Variants in WDR41 observed in about 807,000 individuals in gnomAD.
WDR41 encodes WD repeat domain 41.
A neutral mutation model predicts 69.3 loss-of-function variants in WDR41; 63 were observed. The observed-to-expected ratio is 0.91, with a 90% CI of 0.74 to 1.12. WDR41 has a LOEUF of 1.12. Ranked by LOEUF, WDR41 falls within the 50% of genes most tolerant of loss-of-function variation. The pLI is 0.00. For synonymous variants in WDR41, 185 were observed against 192.1 expected (o/e 0.96, Z 0.31); for missense variants, 543 against 534.5 (o/e 1.02, Z -0.16).
intron 2 of WDR41, among the ~76,000 whole-genome samples, chr5:77,471,056 C>T (rs1175080034): frequency 2.6e-5 from 4 of 152,120 alleles, no homozygotes; most frequent in Non-Finnish European, 4.4e-5. Context: ...TGTAAAAGAA[C>T]AGAAATTATA....
chr5:77,459,217 G>T, intron 4 of WDR41, 93 bp from the exon 5 acceptor site: 2 of 904,764 alleles, frequency 2.2e-6, no homozygotes, highest in Non-Finnish European at 1.7e-6. Context: ...ATGTTAAGCA[G>T]TTAGAAAATC....
rs1743263625 is a variant in WDR41, at chr5:77,549,739, T to A, written c.43-60167A>T. 4.6e-5 allele frequency among the ~76,000 whole-genome samples: 7 copies of A among 152,268 alleles called. No homozygotes were observed. The South Asian group carries it at 1.5e-3, about 32-fold the overall frequency. Reference sequence around the variant, plus strand: ...AACACTATTCCTATCAAGCTACCAATGTCATTTTTCACAGAATTAGAAAAA... The same window carrying A: ...AACACTATTCCTATCAAGCTACCAAAGTCATTTTTCACAGAATTAGAAAAA... On this transcript the variant is annotated intron_variant, in intron 1 of 5. Transcript: ENST00000509971.
Position 77,470,092 on chromosome 5 carries a change from C to G in WDR41, c.168-5283G>C, listed in dbSNP as rs1013983228. ...AACAGCAGATCTCTTGGCAGAAACT[C>G]TACAAGCCAGAAGATAATGGGGGCC... On this transcript the variant is annotated intron_variant, in intron 2 of 12. Coordinates refer to ENST00000296679, the MANE Select transcript of WDR41 (RefSeq NM_018268.4). 2.6e-4 allele frequency among the ~76,000 whole-genome samples: 40 copies of G among 151,386 alleles called. 2 individuals carry two copies. Among genetic ancestry groups the G allele is most frequent in the African/African-American group, 9.6e-4 (39 of 40,716 alleles).
chr5:77,555,544 A>T (rs1012348937), intron 1 of WDR41, among the ~76,000 whole-genome samples: 3 of 152,178 alleles, frequency 2.0e-5, no homozygotes, highest in Non-Finnish European at 4.4e-5. Flanking sequence ...TCCTGAGCTC[A>T]AGAGATCCTC....
intron 4 of WDR41, among the ~76,000 whole-genome samples, chr5:77,462,531 T>G (rs934898593): frequency 2.0e-5 from 3 of 152,156 alleles, no homozygotes; most frequent in African/African-American, 7.2e-5. Flanking sequence ...ACTTTACTAC[T>G]GCTATCCCAT....
chr5:77,443,405 T>C lies in WDR41; in HGVS notation c.698-2408A>G, dbSNP rs1196095685. Among the ~76,000 whole-genome samples, 3 of 152,180 alleles carry C rather than the reference T, an allele frequency of 2.0e-5. No individual in the cohort carries two copies. In the East Asian group the frequency reaches 5.8e-4, roughly 29 times the overall value. On this transcript the variant is annotated intron_variant, in intron 8 of 12. Coordinates refer to ENST00000296679, the MANE Select transcript of WDR41 (RefSeq NM_018268.4). ...ACCACATGAACAATCTCTTAAGAGA[T>C]ACAGAATTACCAGCAATCCTACATG... is the stretch of plus-strand genomic sequence containing the variant.
chr5:77,503,709 A>T (rs962817090), intron 1 of WDR41, among the ~76,000 whole-genome samples: 1 of 152,238 alleles, frequency 6.6e-6, no homozygotes, highest in African/African-American at 2.4e-5. Flanking sequence ...ATTAGAACTC[A>T]GGATTAAGAA....
chr5:77,469,832 G>T (rs552022060), intron 2 of WDR41, among the ~76,000 whole-genome samples: 1 of 152,244 alleles, frequency 6.6e-6, no homozygotes, highest in East Asian at 1.9e-4. Context: ...AGGGAGAATG[G>T]AACCAAGTTG....
chr5:77,562,488 G>T (rs1743546007), intron 1 of WDR41, among the ~76,000 whole-genome samples: 1 of 152,172 alleles, frequency 6.6e-6, no homozygotes, highest in Admixed American at 6.6e-5. Flanking sequence ...TCATTTGGTG[G>T]CAGGGAACTA....
At chr5:77,523,264 A>G (rs1165847688) in intron 1 of WDR41, among the ~76,000 whole-genome samples, 2 of 151,896 alleles carry the variant, frequency 1.3e-5, no homozygotes, top group African/African-American at 4.8e-5. Flanking sequence ...CAGTGAGCCG[A>G]GATTGTGCCA....
intron 1 of WDR41, among the ~76,000 whole-genome samples, chr5:77,507,768 T>C (rs1581778445): frequency 6.6e-6 from 1 of 152,224 alleles, no homozygotes; most frequent in African/African-American, 2.4e-5. Flanking sequence ...GAGTTTATTA[T>C]GTATCTTTAT....
intron 4 of WDR41, among the ~76,000 whole-genome samples, chr5:77,462,633 A>G (rs1581722135): frequency 1.3e-5 from 2 of 152,268 alleles, no homozygotes; most frequent in South Asian, 4.1e-4. Flanking sequence ...CACTGAACAA[A>G]CAGTAATTCA....
intron 1 of WDR41, among the ~76,000 whole-genome samples, chr5:77,506,292 C>T (rs1802106365): frequency 6.6e-6 from 1 of 152,184 alleles, no homozygotes; most frequent in Admixed American, 6.5e-5. Context: ...AAAAAATGCT[C>T]ATCATCACTG....
chr5:77,545,588 A>G, intron 1 of WDR41: 2 of 317,254 alleles, frequency 6.3e-6, no homozygotes, highest in East Asian at 6.5e-5. Context: ...CTGGTCAAGG[A>G]CATGAAGATG....
intron 1 of WDR41, among the ~76,000 whole-genome samples, chr5:77,589,089 T>C (rs536024172): frequency 3.3e-5 from 5 of 152,316 alleles, no homozygotes; most frequent in Non-Finnish European, 7.4e-5. Flanking sequence ...GCTGGTAATA[T>C]GCATGTTAGG....
At chr5:77,533,393 T>C (rs1412710723) in intron 1 of WDR41, among the ~76,000 whole-genome samples, 1 of 152,146 alleles carries the variant, frequency 6.6e-6, no homozygotes, top group Non-Finnish European at 1.5e-5. Flanking sequence ...TAGAGTAACA[T>C]GGATTGGTTT....
Position 77,463,085 on chromosome 5 carries a change from T to C in WDR41, c.348+10A>G. 6.2e-7 allele frequency: 1 copy of C among 1,610,646 alleles called. No homozygotes were observed. The highest frequency in any genetic ancestry group is 8.5e-7 in the Non-Finnish European group (1 of 1,178,678). Reference sequence around the variant, plus strand: ...TACAGCTTGTTCATTTCTTCCAGATTAAAGGATACAATAACTGTTCTATCA... The same window carrying C: ...TACAGCTTGTTCATTTCTTCCAGATCAAAGGATACAATAACTGTTCTATCA... On this transcript the variant is annotated intron_variant, in intron 4 of 12. Coordinates refer to ENST00000296679, the MANE Select transcript of WDR41 (RefSeq NM_018268.4).
intron 1 of WDR41, among the ~76,000 whole-genome samples, chr5:77,574,167 A>G (rs1223417528): frequency 1.3e-5 from 2 of 152,006 alleles, no homozygotes; most frequent in Admixed American, 6.6e-5. Flanking sequence ...GTATGGTGGC[A>G]CGTTCCTGTA....
chr5:77,478,539 G>A (rs1801073668), intron 2 of WDR41, among the ~76,000 whole-genome samples: 1 of 152,172 alleles, frequency 6.6e-6, no homozygotes, highest in Non-Finnish European at 1.5e-5. Context: ...ATCAATAAAT[G>A]TAATCCATCA....
Sources: allele counts gnomAD v4.1 joint callset (sites outside exome capture counted in the v4.1 genomes callset), GRCh38; gene constraint gnomAD v4.1.1; transcripts MANE v1.5; gene names NCBI Gene and HGNC (gene_info 2026-07-23, HGNC 2026-07-21).